Variants in MRPS6 observed in about 807,000 individuals in gnomAD.
MRPS6 encodes the protein mitochondrial ribosomal protein S6.
A neutral mutation model predicts 13.1 loss-of-function variants in MRPS6; 6 were observed. That is an observed-to-expected ratio of 0.46 (90% CI 0.25 to 0.91). The LOEUF (loss-of-function observed/expected upper bound fraction) is 0.91, where lower values mean the gene tolerates loss of function less well. MRPS6 is among the 40% of genes least tolerant of loss of function. MRPS6 has a pLI of 0.18. For missense variants in MRPS6, 164 were observed against 155.6 expected (o/e 1.05, Z -0.29); for synonymous variants, 61 against 56.5 (o/e 1.08, Z -0.36).
At chr21:34,100,951 TATG>T (rs1395932616) in intron 1 of MRPS6, 17 of 1,000,060 alleles carry the variant, frequency 1.7e-5, no homozygotes, top group Admixed American at 6.2e-5. Context: ...AGGGTTAACT[TATG>T]ATGATTCTCC....
In MRPS6 at chr21:34,073,744, G is replaced by C; in HGVS notation, c.44G>C (p.Arg15Pro). Residue 15 changes from arginine (R) to proline (P), a missense_variant and splice_region_variant, in exon 1 of 3, where the codon CGG becomes CCG. Physicochemically the swap from Arg to Pro is moderately radical, Grantham distance 103. Coordinates refer to ENST00000399312, the MANE Select transcript of MRPS6 (RefSeq NM_032476.4). ...GCTTTAATCCTGAAAGCCATGCAGCGGGTAAGTGACCTTCCCTCAGAGCCG... is the reference window on the plus strand; with the variant it reads ...GCTTTAATCCTGAAAGCCATGCAGCCGGTAAGTGACCTTCCCTCAGAGCCG... ...ELALILKAMQ[R>P]PETAATLKRT... is the part of the protein sequence containing the mutation. The C allele has an allele frequency of 6.6e-7, 1 of 1,525,644 alleles. No homozygotes were observed. Among genetic ancestry groups the C allele is most frequent in the Non-Finnish European group, 8.8e-7 (1 of 1,131,762 alleles). 94.5% of individuals were successfully genotyped at this position (1,525,644 alleles called of 1,614,324 possible). A position where few individuals can be genotyped will look rare whatever the true frequency, so the allele number is the denominator to read the frequency against.
At chr21:34,110,452 C>T (rs1979652475) in intron 1 of MRPS6, among the ~76,000 whole-genome samples, 1 of 151,900 alleles carries the variant, frequency 6.6e-6, no homozygotes, top group Non-Finnish European at 1.5e-5. Context: ...TGTACTCCAG[C>T]CTAGGCGGCA....
chr21:34,115,142 C>T (rs1275130808), intron 1 of MRPS6, among the ~76,000 whole-genome samples: 8 of 152,190 alleles, frequency 5.3e-5, no homozygotes, highest in Non-Finnish European at 5.9e-5. Context: ...TTGGGTCCTT[C>T]GTTTTGGCCC....
intron 1 of MRPS6, 38 bp from the exon 2 acceptor site, chr21:34,125,303 C>CT (rs746372079): frequency 5.4e-5 from 86 of 1,601,930 alleles, no homozygotes; most frequent in Admixed American, 5.1e-4. Flanking sequence ...AATTCTGATG[C>CT]TTTTTTTTCT....
At chr21:34,076,660 A>G (rs1989339637) in intron 1 of MRPS6, among the ~76,000 whole-genome samples, 2 of 152,172 alleles carry the variant, frequency 1.3e-5, no homozygotes, top group South Asian at 2.1e-4. Flanking sequence ...AGTTATTTCT[A>G]TTTTCTGTTT....
intron 1 of MRPS6, among the ~76,000 whole-genome samples, chr21:34,079,327 G>A (rs1005077484): frequency 1.3e-5 from 2 of 152,162 alleles, no homozygotes; most frequent in South Asian, 4.1e-4. Context: ...CAGAAGAAAT[G>A]TGCCAGCCCC....
At chr21:34,112,511 A>G (rs186859310) in intron 1 of MRPS6, among the ~76,000 whole-genome samples, 16 of 152,294 alleles carry the variant, frequency 1.1e-4, no homozygotes, top group Non-Finnish European at 1.9e-4. Context: ...AAGTTGTGCA[A>G]CCATCACCAC....
chr21:34,118,259 C>T (rs1343966030), intron 1 of MRPS6, among the ~76,000 whole-genome samples: 1 of 151,990 alleles, frequency 6.6e-6, no homozygotes, highest in African/African-American at 2.4e-5. Flanking sequence ...CTACTGTTGA[C>T]CTGGAAGCCT....
chr21:34,107,779 A>G (rs1256097607), intron 1 of MRPS6, among the ~76,000 whole-genome samples: 4 of 152,120 alleles, frequency 2.6e-5, no homozygotes, highest in South Asian at 4.1e-4. Context: ...TCTTTTATCA[A>G]TGGTTTCTTT....
At chr21:34,110,048 C>T (rs1405737019) in intron 1 of MRPS6, among the ~76,000 whole-genome samples, 1 of 152,162 alleles carries the variant, frequency 6.6e-6, no homozygotes, top group Non-Finnish European at 1.5e-5. Flanking sequence ...GCCTATTGCC[C>T]ATTTCTGCCC....
At chr21:34,103,006 TAG>T in intron 1 of MRPS6, 1 of 999,518 alleles carries the variant, frequency 1.0e-6, no homozygotes, top group East Asian at 1.1e-4. Context: ...TTAGACAGAG[TAG>T]TCTAGATAAG....
At position 34,098,772 on chromosome 21, in the gene MRPS6, A is replaced by C. The variant is rs1000868755; in HGVS notation, c.45+25027A>C. 19 of 1,000,128 alleles carry C rather than the reference A, an allele frequency of 1.9e-5. No homozygotes were observed. In the African/African-American group the frequency reaches 3.3e-4, roughly 17 times the overall value. 62.0% of individuals were successfully genotyped at this position (1,000,128 alleles called of 1,614,324 possible). On this transcript the variant is annotated intron_variant, in intron 1 of 2. Transcript: ENST00000399312. ...TGCAGCTAGTGGGTACAGGGTACAAAAGATGTTAGAGAAAAGCTCTACAGA... is the reference window on the plus strand; with the variant it reads ...TGCAGCTAGTGGGTACAGGGTACAACAGATGTTAGAGAAAAGCTCTACAGA...
chr21:34,125,198 C>A, intron 1 of MRPS6, 143 bp from the exon 2 acceptor site: 1 of 1,294,764 alleles, frequency 7.7e-7, no homozygotes, highest in East Asian at 2.6e-5. Flanking sequence ...TTAAGTTAAC[C>A]AAAACCAGCT....
chr21:34,117,857 A>G (rs1014451052), intron 1 of MRPS6, among the ~76,000 whole-genome samples: 2 of 152,130 alleles, frequency 1.3e-5, no homozygotes, highest in Admixed American at 6.6e-5. Flanking sequence ...TGGCTTCCCC[A>G]TAAAGATGCG....
At chr21:34,119,511 T>A (rs1385907069) in intron 1 of MRPS6, among the ~76,000 whole-genome samples, 2 of 152,196 alleles carry the variant, frequency 1.3e-5, no homozygotes, top group East Asian at 3.8e-4. Flanking sequence ...TTTTGACAGT[T>A]CTGTGTCTTG....
intron 1 of MRPS6, chr21:34,100,758 C>T: frequency 1.0e-6 from 1 of 1,000,148 alleles, no homozygotes; most frequent in East Asian, 1.1e-4. Flanking sequence ...ATTCGCAGTC[C>T]ATGGCTCATT....
At chr21:34,100,947 A>G (rs1211056016) in intron 1 of MRPS6, 2 of 1,000,148 alleles carry the variant, frequency 2.0e-6, no homozygotes, top group Non-Finnish European at 1.2e-6. Flanking sequence ...TTACAGGGTT[A>G]ACTTATGATG....
At chr21:34,092,896 A>G (rs1179844635) in intron 1 of MRPS6, among the ~76,000 whole-genome samples, 2 of 152,140 alleles carry the variant, frequency 1.3e-5, no homozygotes, top group African/African-American at 2.4e-5. Context: ...GAAAATTGAA[A>G]CAAGTGGCCT....
chr21:34,111,845 G>GTT (rs60855689), intron 1 of MRPS6, among the ~76,000 whole-genome samples: 34 of 142,000 alleles, frequency 2.4e-4, no homozygotes, highest in East Asian at 4.1e-4. Context: ...CAGAGTTGAG[G>GTT]TTTTTTTTTT....
Sources: gnomAD v4.1 joint callset for allele counts (sites outside exome capture counted in the v4.1 genomes callset) on GRCh38, gnomAD v4.1.1 for gene constraint, MANE v1.5 for transcripts, NCBI Gene and HGNC (gene_info 2026-07-23, HGNC 2026-07-21) for gene names.